The following GRAP2 variants were observed in gnomAD, a reference collection of about 807,000 sequenced individuals.
The protein encoded by GRAP2 is GRB2-related adapter protein 2.
In GRAP2, 31 loss-of-function variants were observed where a neutral mutation model predicts 43.5. That is an observed-to-expected ratio of 0.71 (90% CI 0.54 to 0.96). The LOEUF (loss-of-function observed/expected upper bound fraction) is 0.96. Ranked by LOEUF, GRAP2 falls within the 40% of genes least tolerant of loss-of-function variation. The pLI is 0.00. For synonymous variants in GRAP2, 156 were observed against 164.8 expected, an observed-to-expected ratio of 0.95 and a Z score of 0.41; for missense variants, 371 against 424.4, an observed-to-expected ratio of 0.87 and a Z score of 1.11.
intron 1 of GRAP2, among the ~76,000 whole-genome samples, chr22:39,924,426 C>T (rs1225518189): frequency 2.0e-5 from 3 of 152,154 alleles, no homozygotes; most frequent in African/African-American, 4.8e-5. Flanking sequence ...CATGGTCGGG[C>T]GCGGTGGCTC....
chr22:39,970,772 T>C, intron 7 of GRAP2, 133 bp from the exon 8 acceptor site: 1 of 805,252 alleles, frequency 1.2e-6, no homozygotes, highest in Non-Finnish European at 1.9e-6. Context: ...AAAGTTTTTT[T>C]AAGCTGCAGA....
At chr22:39,904,797 T>C (rs890403114) in intron 1 of GRAP2, among the ~76,000 whole-genome samples, 8 of 152,212 alleles carry the variant, frequency 5.3e-5, no homozygotes, top group Admixed American at 1.3e-4. Context: ...TTGGGTCTCA[T>C]GCTTCTTTCT....
chr22:39,955,774 G>A (rs776622816), intron 2 of GRAP2, 45 bp from the exon 3 acceptor site: 1 of 944,734 alleles, frequency 1.1e-6, no homozygotes, highest in South Asian at 1.3e-5. Flanking sequence ...TGTTTTTTTG[G>A]TGTCCTCCCT....
chr22:39,895,498 T>C, the GRAP2 span, among the ~76,000 whole-genome samples: 1 of 152,120 alleles, frequency 6.6e-6, no homozygotes, highest in Admixed American at 6.5e-5. Flanking sequence ...GAATGCTATG[T>C]TGAGGTATTT....
chr22:39,969,176 C>T (rs1169756333), intron 6 of GRAP2, among the ~76,000 whole-genome samples: 2 of 152,190 alleles, frequency 1.3e-5, no homozygotes, highest in African/African-American at 4.8e-5. Flanking sequence ...ATGGTAGGTG[C>T]CTGATAAATA....
chr22:39,900,193 G>A (rs985355901), upstream of GRAP2, among the ~76,000 whole-genome samples: 1 of 152,224 alleles, frequency 6.6e-6, no homozygotes, highest in African/African-American at 2.4e-5. Flanking sequence ...AGATGGAAAA[G>A]GATGCCGTTT....
At chr22:39,898,117 A>G (rs1164301421), upstream of GRAP2, among the ~76,000 whole-genome samples, 5 of 152,176 alleles carry the variant, frequency 3.3e-5, no homozygotes, top group Non-Finnish European at 7.3e-5. Flanking sequence ...GCTAGTCCCT[A>G]TACCTGCAAA....
At chr22:39,944,210 C>T (rs1381209562) in intron 1 of GRAP2, among the ~76,000 whole-genome samples, 5 of 152,198 alleles carry the variant, frequency 3.3e-5, no homozygotes, top group Non-Finnish European at 7.3e-5. Context: ...GATCATAAAA[C>T]AAATGGATAA....
chr22:39,927,775 G>A lies in GRAP2; in HGVS notation c.-14-19318G>A, dbSNP rs140665326. Among the ~76,000 whole-genome samples, 465 of 152,244 alleles carry A rather than the reference G, an allele frequency of 3.1e-3. 4 individuals are homozygous for A. The highest frequency in any genetic ancestry group is 0.011 in the African/African-American group (450 of 41,536). ...CGTGTGCTGCCCTGTCTCACCACTT[G>A]AGGGCTGAGGCCCCTTCCCAATGGC... On this transcript the variant is annotated intron_variant, in intron 1 of 7. Coordinates refer to ENST00000344138, the MANE Select transcript of GRAP2 (RefSeq NM_004810.4).
chr22:39,953,555 T>C (rs1414450284), intron 2 of GRAP2, among the ~76,000 whole-genome samples: 1 of 152,196 alleles, frequency 6.6e-6, no homozygotes, highest in African/African-American at 2.4e-5. Context: ...CTGCCGACTT[T>C]AGCCTTGCAA....
At chr22:39,931,605 C>T (rs1205982006) in intron 1 of GRAP2, among the ~76,000 whole-genome samples, 2 of 152,086 alleles carry the variant, frequency 1.3e-5, no homozygotes, top group African/African-American at 2.4e-5. Flanking sequence ...GGCTGGTGCC[C>T]AGGAAATTTT....
intron 1 of GRAP2, among the ~76,000 whole-genome samples, chr22:39,917,513 A>G (rs2066612831): frequency 6.6e-6 from 1 of 152,234 alleles, no homozygotes; most frequent in Non-Finnish European, 1.5e-5. Context: ...GTAGACTTAA[A>G]TGAGAGCTCT....
At chr22:39,970,238 C>G (rs1299240063) in intron 7 of GRAP2, among the ~76,000 whole-genome samples, 2 of 152,188 alleles carry the variant, frequency 1.3e-5, no homozygotes, top group Non-Finnish European at 2.9e-5. Flanking sequence ...GCCTCTGCTT[C>G]CCAAGTAGCT....
chr22:39,919,268 C>T (rs1170260559), intron 1 of GRAP2, among the ~76,000 whole-genome samples: 1 of 152,136 alleles, frequency 6.6e-6, no homozygotes, highest in Non-Finnish European at 1.5e-5. Context: ...AGCTCCTAAA[C>T]ATTATACTTT....
In GRAP2 at chr22:39,918,607, A is replaced by G. The variant is rs532489885; in HGVS notation, c.-15+17277A>G. 1.4e-4 allele frequency among the ~76,000 whole-genome samples: 22 copies of G among 152,342 alleles called. No homozygotes were observed. In the South Asian group the frequency reaches 4.1e-3, roughly 29 times the overall value. On this transcript the variant is annotated intron_variant, in intron 1 of 7. Coordinates refer to ENST00000344138, the MANE Select transcript of GRAP2 (RefSeq NM_004810.4). ...CAAGCAGAGTCTTGTTTGCCTCTAC[A>G]ATATATTAATAATGTATTAATTAGC...
intron 6 of GRAP2, 132 bp from the exon 7 acceptor site, chr22:39,969,279 G>A: frequency 1.9e-6 from 2 of 1,050,630 alleles, no homozygotes; most frequent in Non-Finnish European, 1.4e-6. Context: ...AACGTGGAGG[G>A]TTTATTGTCA....
At chr22:39,966,652 T>G (rs1244818434) in intron 5 of GRAP2, among the ~76,000 whole-genome samples, 2 of 152,082 alleles carry the variant, frequency 1.3e-5, no homozygotes, top group Non-Finnish European at 2.9e-5. Context: ...ATGATGGGAT[T>G]GGGGGTAGGG....
At chr22:39,964,355 G>T in intron 4 of GRAP2, 1 of 714,426 alleles carries the variant, frequency 1.4e-6, no homozygotes, top group African/African-American at 1.7e-5. Flanking sequence ...GCAGGGTCTG[G>T]GGAAGGGGCG....
intron 1 of GRAP2, among the ~76,000 whole-genome samples, chr22:39,913,804 A>C (rs1303287209): frequency 6.6e-6 from 1 of 152,180 alleles, no homozygotes; most frequent in African/African-American, 2.4e-5. Flanking sequence ...TTTTCAGAGA[A>C]AGATTTCTTA....
Sources: gnomAD v4.1 joint callset for allele counts (sites outside exome capture counted in the v4.1 genomes callset) on GRCh38, gnomAD v4.1.1 for gene constraint, MANE v1.5 for transcripts, NCBI Gene and HGNC (gene_info 2026-07-23, HGNC 2026-07-21) for gene names.